The following GPR83 variants were observed in gnomAD, a reference collection of about 807,000 sequenced individuals.
GPR83 encodes G-protein coupled receptor 72.
Under a neutral mutation model 28.0 loss-of-function variants are expected in GPR83, and 23 were observed. That is an observed-to-expected ratio of 0.82 (90% CI 0.59 to 1.16). GPR83 has a LOEUF of 1.16. Among genes scored for constraint, GPR83 ranks in the 50% most tolerant of loss-of-function variants. GPR83 has a pLI of 0.00. For synonymous variants in GPR83, 234 were observed against 215.4 expected, an observed-to-expected ratio of 1.09 and a Z score of -0.76; for missense variants, 610 against 536.6, an observed-to-expected ratio of 1.14 and a Z score of -1.35.
intron 2 of GPR83, 44 bp from the exon 3 acceptor site, chr11:94,393,662 A>G (rs1565187886): frequency 3.1e-6 from 5 of 1,606,022 alleles, no homozygotes; most frequent in African/African-American, 1.3e-5. Context: ...GACGTTTTGG[A>G]GCAAATCAGA....
At chr11:94,391,435 A>G (rs1944815631) in intron 3 of GPR83, among the ~76,000 whole-genome samples, 1 of 152,218 alleles carries the variant, frequency 6.6e-6, no homozygotes, top group East Asian at 1.9e-4. Flanking sequence ...CTAAAATACC[A>G]AAAGCAATGG....
chr11:94,396,607 C>G, intron 1 of GPR83, 83 bp from the exon 2 acceptor site: 1 of 1,391,664 alleles, frequency 7.2e-7, no homozygotes, highest in Non-Finnish European at 1.0e-6. Flanking sequence ...GGAGCATGCC[C>G]TTAGGGGGAT....
At chr11:94,396,153 G>A (rs1944863934) in intron 2 of GPR83, among the ~76,000 whole-genome samples, 1 of 152,170 alleles carries the variant, frequency 6.6e-6, no homozygotes, top group African/African-American at 2.4e-5. Flanking sequence ...CCAGGAGGCG[G>A]AGGTTGCAGT....
chr11:94,395,785 T>C (rs1944859823), intron 2 of GPR83, among the ~76,000 whole-genome samples: 1 of 152,226 alleles, frequency 6.6e-6, no homozygotes, highest in African/African-American at 2.4e-5. Context: ...CCTGGCTTGT[T>C]TTCCGTCTGA....
chr11:94,393,556 G>A lies in GPR83; in HGVS notation c.576C>T (p.Val192=), dbSNP rs1021102211. The change falls in exon 3 of 4, where the codon GTC becomes GTT. Residue 192 remains valine, a synonymous_variant. Transcript: ENST00000243673. ...AAAAGAACGTAGCCATGGTCCAGAT[G>A]ACAGCGATGTAGATGACACCCTTTG... The part of the protein sequence containing the change: ...SITKGVIYIA[V]IWTMATFFSL... The A allele has an allele frequency of 5.0e-6, 8 of 1,613,558 alleles. No individual in the cohort carries two copies. The Admixed American group carries it at 5.0e-5, about 10-fold the overall frequency.
In GPR83 at chr11:94,396,250, T is replaced by A. The variant is rs1591608221; in HGVS notation, c.513+149A>T. 1.7e-5 allele frequency: 12 copies of A among 700,636 alleles called. No individual in the cohort carries two copies. In the East Asian group the frequency reaches 3.1e-4, roughly 18 times the overall value. The allele number at this position is 700,636 out of a possible 1,614,324, so 43.4% of individuals were successfully genotyped here. A position where few individuals can be genotyped will look rare whatever the true frequency, so the allele number is the denominator to read the frequency against. ...AAAAATTATGACAAAGGGCTTAATA[T>A]CCCTAACCTATGTGTTCATGTTGAT... is the stretch of plus-strand genomic sequence containing the variant. On this transcript the variant is annotated intron_variant, in intron 2 of 3. Coordinates refer to ENST00000243673, the MANE Select transcript of GPR83 (RefSeq NM_016540.4).
rs1944668904 is a variant in GPR83, at chr11:94,380,051, T to G, written c.*98A>C. On this transcript the variant is annotated 3_prime_UTR_variant, in exon 4 of 4. Transcript: ENST00000243673. ...AAGAGTCCTACAGCTTCTGCAGGAG[T>G]GTGTTTCCAGCACTCTGAAGATCAT... The G allele has an allele frequency of 3.2e-6, 3 of 938,156 alleles. No individual in the cohort carries two copies. The highest frequency in any genetic ancestry group is 1.6e-5 in the African/African-American group (1 of 61,842). The allele number at this position is 938,156 out of a possible 1,614,324, so 58.1% of individuals were successfully genotyped here.
chr11:94,380,777 G>A lies in GPR83; in HGVS notation c.648-4C>T, dbSNP rs1193938099. The A allele has an allele frequency of 1.2e-6, 2 of 1,602,888 alleles. No individual in the cohort carries two copies. The highest frequency in any genetic ancestry group is 1.7e-6 in the Non-Finnish European group (2 of 1,174,294). On this transcript the variant is annotated splice_region_variant and splice_polypyrimidine_tract_variant and intron_variant, in intron 3 of 3. Transcript: ENST00000243673. ...GAGGGAGCGCACAATGTCCTCACTG[G>A]GGGCAGGAAGTGGGGAGGGGGAGAG...
At chr11:94,383,692 A>T (rs1267636433) in intron 3 of GPR83, among the ~76,000 whole-genome samples, 1 of 152,236 alleles carries the variant, frequency 6.6e-6, no homozygotes, top group Non-Finnish European at 1.5e-5. Flanking sequence ...CCGATCACAG[A>T]ATACTATAAA....
chr11:94,391,522 G>A (rs1207620795), intron 3 of GPR83, among the ~76,000 whole-genome samples: 1 of 152,182 alleles, frequency 6.6e-6, no homozygotes, highest in Non-Finnish European at 1.5e-5. Context: ...CTAGCAATCA[G>A]AGTGAACAGG....
chr11:94,383,920 A>G (rs186963709), intron 3 of GPR83, among the ~76,000 whole-genome samples: 1 of 152,348 alleles, frequency 6.6e-6, no homozygotes, highest in East Asian at 1.9e-4. Context: ...AGGAGCTGGT[A>G]CCATTCCTTC....
Position 94,380,083 on chromosome 11 carries a change from G to C in GPR83, c.*66C>G. On this transcript the variant is annotated 3_prime_UTR_variant, in exon 4 of 4. Transcript: ENST00000243673. ...CCAGCACTCTGAAGATCATGTGTGA[G>C]AATAGGCTCTCTTTCCCTGCCTCAG... The C allele has an allele frequency of 7.8e-7, 1 of 1,279,402 alleles. No homozygotes were observed. Among genetic ancestry groups the C allele is most frequent in the Non-Finnish European group, 1.1e-6 (1 of 932,778 alleles). The allele number at this position is 1,279,402 out of a possible 1,614,324, so 79.3% of individuals were successfully genotyped here.
In GPR83 at chr11:94,400,912, G is replaced by A; in HGVS notation, c.336C>T (p.Asn112=). The change falls in exon 1 of 4, where the codon AAC becomes AAT. Residue 112 remains asparagine, a synonymous_variant. Coordinates refer to ENST00000243673, the MANE Select transcript of GPR83 (RefSeq NM_016540.4). ...MHSATSLFIV[N]LAVADIMITL... ...TGATCATTATGTCGGCAACTGCCAG[G>A]TTGACGATGAAGAGGCTGGTGGCCG... 6.2e-7 allele frequency: 1 copy of A among 1,614,180 alleles called. No homozygotes were observed.
chr11:94,382,426 G>A (rs1383881559), intron 3 of GPR83, among the ~76,000 whole-genome samples: 2 of 150,518 alleles, frequency 1.3e-5, no homozygotes, highest in African/African-American at 2.5e-5. Flanking sequence ...AATATCAAAG[G>A]AGACAGAGAA....
intron 2 of GPR83, among the ~76,000 whole-genome samples, chr11:94,394,972 C>T (rs1944852498): frequency 1.3e-5 from 2 of 152,068 alleles, no homozygotes; most frequent in South Asian, 4.1e-4. Flanking sequence ...AATCAGAAGT[C>T]CTTCTAGTTA....
In GPR83 at chr11:94,379,187, C is replaced by T. The variant is rs113468618; in HGVS notation, c.*962G>A. On this transcript the variant is annotated 3_prime_UTR_variant, in exon 4 of 4. Transcript: ENST00000243673. ...GAGATCGAGACCATCCTGGCTAACA[C>T]GGTGAAACCCCGTCTCTACTAAAAA... 24,158 of 152,020 alleles carry T rather than the reference C, an allele frequency of 0.16. 2,441 individuals are homozygous for T. Among genetic ancestry groups the T allele is most frequent in the Non-Finnish European group, 0.23 (15,388 of 68,040 alleles). 9.4% of individuals were successfully genotyped at this position (152,020 alleles called of 1,614,324 possible). A position where few individuals can be genotyped will look rare whatever the true frequency, so the allele number is the denominator to read the frequency against.
chr11:94,380,661 T>TGAG lies in GPR83; in HGVS notation c.757_759dup (p.Leu253dup). On this transcript the variant is annotated inframe_insertion, in exon 4 of 4. Coordinates refer to ENST00000243673, the MANE Select transcript of GPR83 (RefSeq NM_016540.4). ...ACACGAGCGTAGGCCACAGAGATGA[T>TGAG]GAGGAGGGGCAGGATGTAGAGCAGG... is the stretch of plus-strand genomic sequence containing the variant. 1 of 1,613,466 alleles carries TGAG rather than the reference T, an allele frequency of 6.2e-7. No individual in the cohort carries two copies. Among genetic ancestry groups the TGAG allele is most frequent in the Middle Eastern group, 1.7e-4 (1 of 5,972 alleles).
chr11:94,380,805 G>A, intron 3 of GPR83, 32 bp from the exon 4 acceptor site: 2 of 1,569,924 alleles, frequency 1.3e-6, no homozygotes, highest in Non-Finnish European at 1.7e-6. Flanking sequence ...GGGGAGAGAG[G>A]TAACAGAAAG....
intron 3 of GPR83, among the ~76,000 whole-genome samples, chr11:94,381,430 G>T (rs183264534): frequency 6.6e-6 from 1 of 152,112 alleles, no homozygotes; most frequent in African/African-American, 2.4e-5. Flanking sequence ...CAGCCTGGAT[G>T]TTGGGGGGCC....
Sources: allele counts gnomAD v4.1 joint callset (sites outside exome capture counted in the v4.1 genomes callset), GRCh38; gene constraint gnomAD v4.1.1; transcripts MANE v1.5; gene names NCBI Gene and HGNC (gene_info 2026-07-23, HGNC 2026-07-21).